Variants in PABPC4L observed in about 807,000 individuals in gnomAD.
The protein encoded by PABPC4L is poly(A) binding protein cytoplasmic 4 like, also known as polyadenylate-binding protein 4-like.
For missense variants in PABPC4L, 452 were observed against 451.4 expected (o/e 1.00, Z -0.01); for synonymous variants, 169 against 164.1 (o/e 1.03, Z -0.23).
At chr4:134,030,671 TAATG>T in the PABPC4L span, among the ~76,000 whole-genome samples, 1 of 152,054 alleles carries the variant, frequency 6.6e-6, no homozygotes, top group South Asian at 2.1e-4. Flanking sequence ...AAATCTGTGG[TAATG>T]AATGAACATT....
the PABPC4L span, among the ~76,000 whole-genome samples, chr4:134,114,275 A>G: frequency 6.6e-6 from 1 of 151,810 alleles, no homozygotes; most frequent in African/African-American, 2.4e-5. Flanking sequence ...TTAATGGTTC[A>G]TTTTCAAGGC....
At chr4:134,066,079 G>C in the PABPC4L span, among the ~76,000 whole-genome samples, 1 of 152,012 alleles carries the variant, frequency 6.6e-6, no homozygotes, top group African/African-American at 2.4e-5. Flanking sequence ...GCTTGCCTTT[G>C]GTATTAGGGC....
chr4:134,122,704 GTCTC>G, the PABPC4L span, among the ~76,000 whole-genome samples: 3 of 151,688 alleles, frequency 2.0e-5, no homozygotes, highest in South Asian at 2.1e-4. Context: ...ATTATCTAAA[GTCTC>G]TCTAATTTGC....
the PABPC4L span, among the ~76,000 whole-genome samples, chr4:133,952,059 G>A: frequency 1.4e-4 from 22 of 152,158 alleles, no homozygotes; most frequent in Admixed American, 4.6e-4. Context: ...CTTTCCCTTA[G>A]GAAACTAAGC....
At chr4:134,003,373 A>ATG in the PABPC4L span, among the ~76,000 whole-genome samples, 1 of 151,928 alleles carries the variant, frequency 6.6e-6, no homozygotes, top group Non-Finnish European at 1.5e-5. Flanking sequence ...TCATCTTTGA[A>ATG]CATATTGCAT....
chr4:133,962,507 T>C, the PABPC4L span, among the ~76,000 whole-genome samples: 1 of 152,060 alleles, frequency 6.6e-6, no homozygotes, highest in East Asian at 1.9e-4. Context: ...GTCTCAGCAA[T>C]AGAATTCAAC....
the PABPC4L span, among the ~76,000 whole-genome samples, chr4:133,997,177 C>T: frequency 6.6e-6 from 1 of 152,140 alleles, no homozygotes; most frequent in Non-Finnish European, 1.5e-5. Context: ...AAAACGACCT[C>T]TAAGTGCTCA....
chr4:134,200,516 A>C lies in PABPC4L; in HGVS notation c.504T>G (p.Phe168Leu). Residue 168 changes from phenylalanine to leucine, a missense_variant, in exon 2 of 2, where the codon TTT becomes TTG. Physicochemically the swap from Phe to Leu is conservative, Grantham distance 22 (BLOSUM62 0). Coordinates refer to ENST00000421491, the MANE Select transcript of PABPC4L (RefSeq NM_001114734.2). ...CTTTTCGGTTTTTGAATCTGCCAAC[A>C]AACACCTTGCAGCCCTTGAGTAGTT... The part of the protein sequence containing the change: ...NGKLLKGCKV[F>L]VGRFKNRKDR... 1 of 1,551,638 alleles carries C rather than the reference A, an allele frequency of 6.4e-7. No homozygotes were observed. The highest frequency in any genetic ancestry group is 2.4e-5 in the East Asian group (1 of 40,894).
downstream of PABPC4L, among the ~76,000 whole-genome samples, chr4:134,191,551 A>G (rs1729512864): frequency 6.6e-6 from 1 of 152,188 alleles, no homozygotes; most frequent in Admixed American, 6.5e-5. Flanking sequence ...AATTTGGGAA[A>G]TATACAAATA....
At chr4:134,182,147 G>C in the PABPC4L span, among the ~76,000 whole-genome samples, 3 of 151,170 alleles carry the variant, frequency 2.0e-5, no homozygotes, top group African/African-American at 7.3e-5. Context: ...CTATAAAAGA[G>C]CCTTAATAAA....
the PABPC4L span, among the ~76,000 whole-genome samples, chr4:134,084,173 C>A: frequency 6.6e-6 from 1 of 152,136 alleles, no homozygotes; most frequent in Non-Finnish European, 1.5e-5. Flanking sequence ...CTCAGTTTCC[C>A]AAGTAGCTAG....
the PABPC4L span, among the ~76,000 whole-genome samples, chr4:134,156,315 A>C: frequency 6.6e-6 from 1 of 151,924 alleles, no homozygotes; most frequent in African/African-American, 2.4e-5. Context: ...GTGGCTAATG[A>C]TTTTTCTAAC....
the PABPC4L span, among the ~76,000 whole-genome samples, chr4:134,022,426 G>GCACGCACA: frequency 6.6e-6 from 1 of 152,006 alleles, no homozygotes; most frequent in Non-Finnish European, 1.5e-5. Flanking sequence ...ACACATGCAT[G>GCACGCACA]CACGCACACA....
rs774115100 is a variant in PABPC4L at position 134,201,075 on chromosome 4, TGGGGGGATACTAG to T, written c.-69_-57del. 1 of 1,551,240 alleles carries T rather than the reference TGGGGGGATACTAG, an allele frequency of 6.4e-7. No individual in the cohort carries two copies. The highest frequency in any genetic ancestry group is 1.2e-5 in the South Asian group (1 of 83,906). On this transcript the variant is annotated 5_prime_UTR_variant, in exon 2 of 2. Transcript: ENST00000421491. Reference sequence around the variant, plus strand: ...CCTGGAGTTCTTTGAGCAATCCCTGTGGGGGGATACTAGGTCACAGCTTTGGCCCGGTTCAAGT... The same window carrying T: ...CCTGGAGTTCTTTGAGCAATCCCTGTGTCACAGCTTTGGCCCGGTTCAAGT...
At chr4:134,140,197 A>G in the PABPC4L span, among the ~76,000 whole-genome samples, 1 of 151,792 alleles carries the variant, frequency 6.6e-6, no homozygotes. Flanking sequence ...TATTCTAGAA[A>G]TTTACTATGA....
chr4:134,030,554 C>T, the PABPC4L span, among the ~76,000 whole-genome samples: 1 of 151,728 alleles, frequency 6.6e-6, no homozygotes, highest in Non-Finnish European at 1.5e-5. Context: ...TTGACATATG[C>T]ACAGATCAGT....
At chr4:133,967,632 G>A in the PABPC4L span, among the ~76,000 whole-genome samples, 1 of 152,192 alleles carries the variant, frequency 6.6e-6, no homozygotes, top group South Asian at 2.1e-4. Flanking sequence ...TCAGGAAAAT[G>A]TTTAGTTGAT....
At chr4:134,147,073 C>T in the PABPC4L span, among the ~76,000 whole-genome samples, 1 of 152,078 alleles carries the variant, frequency 6.6e-6, no homozygotes, top group Non-Finnish European at 1.5e-5. Flanking sequence ...ACAAGGAAAG[C>T]ATTATCATAA....
At chr4:134,110,220 A>G in the PABPC4L span, among the ~76,000 whole-genome samples, 1 of 152,036 alleles carries the variant, frequency 6.6e-6, no homozygotes, top group African/African-American at 2.4e-5. Flanking sequence ...TAAAGAAAGT[A>G]TACTATAATT....
Sources: allele counts gnomAD v4.1 joint callset (sites outside exome capture counted in the v4.1 genomes callset), GRCh38; gene constraint gnomAD v4.1.1; transcripts MANE v1.5; gene names NCBI Gene and HGNC (gene_info 2026-07-23, HGNC 2026-07-21).